SMG6: variants seen among roughly 807,000 people sequenced by gnomAD.
SMG6 encodes SMG6 nonsense mediated mRNA decay factor.
In SMG6, 66 loss-of-function variants were observed where a neutral mutation model predicts 142.2. The ratio of observed to expected loss-of-function variants is 0.46; its 90% CI spans 0.38 to 0.57. SMG6 has a LOEUF of 0.57. Among genes scored for constraint, SMG6 ranks in the 20% least tolerant of loss-of-function variants. The pLI is 0.00. For synonymous variants in SMG6, 779 were observed against 702.4 expected (o/e 1.11, Z -1.72); for missense variants, 1,793 against 1,832.0 (o/e 0.98, Z 0.39).
intron 13 of SMG6, among the ~76,000 whole-genome samples, chr17:2,115,008 TAAAA>T (rs1292968549): frequency 8.4e-6 from 1 of 118,972 alleles, no homozygotes; most frequent in East Asian, 2.3e-4. Flanking sequence ...ATAAAATAAT[TAAAA>T]AAAAAGAAGG....
rs1252208173 is a variant in SMG6 at position 2,103,117 on chromosome 17, C to CA, written c.3358-17217dup. 8.5e-5 allele frequency among the ~76,000 whole-genome samples: 13 copies of CA among 152,330 alleles called. No individual in the cohort carries two copies. In the East Asian group the frequency reaches 1.3e-3, roughly 16 times the overall value. On this transcript the variant is annotated intron_variant, in intron 13 of 18. Transcript: ENST00000263073. Reference sequence around the variant, plus strand: ...GAACCTGGGAGTCCAGACATCTCTTCAACCAACTGATTTCAAATCTTTTGG... The same window carrying CA: ...GAACCTGGGAGTCCAGACATCTCTTCAAACCAACTGATTTCAAATCTTTTGG...
rs1028647774 is a variant in SMG6 at position 2,068,722 on chromosome 17, G to T, written c.3835+56C>A. 2 of 1,573,848 alleles carry T rather than the reference G, an allele frequency of 1.3e-6. No individual in the cohort carries two copies. Among genetic ancestry groups the T allele is most frequent in the South Asian group, 1.2e-5 (1 of 85,728 alleles). ...CTGGCCCCCAGGCCGTGGGGCGTGT[G>T]TGGAGGGGGCTGCTGTGCACATGCA... On this transcript the variant is annotated intron_variant, in intron 16 of 18. Transcript: ENST00000263073. The surrounding 1 kb of genome is among the most constrained non-coding windows in gnomAD (Gnocchi z 6.7).
intron 13 of SMG6, among the ~76,000 whole-genome samples, chr17:2,106,222 C>T (rs2069151361): frequency 6.6e-6 from 1 of 152,160 alleles, no homozygotes; most frequent in African/African-American, 2.4e-5. Flanking sequence ...CACTTTTCTT[C>T]TTGTCTCTTT....
In SMG6 at chr17:2,071,330, C is replaced by T. The variant is rs1387054037; in HGVS notation, c.3682-2399G>A. On this transcript the variant is annotated intron_variant, in intron 15 of 18. Coordinates refer to ENST00000263073, the MANE Select transcript of SMG6 (RefSeq NM_017575.5). This position sits in a 1 kb window ranked among gnomAD's most constrained non-coding sequence, Gnocchi z 5.6. ...GGTACCATCCTACCTCTATTGCTGG[C>T]AATTAGGCAGGAGAGCCTTGAAGCC... 6.6e-6 allele frequency among the ~76,000 whole-genome samples: 1 copy of T among 152,150 alleles called. No homozygotes were observed. The highest frequency in any genetic ancestry group is 1.5e-5 in the Non-Finnish European group (1 of 68,014).
At chr17:2,086,979 GC>G (rs1443549533) in intron 13 of SMG6, 4 of 1,283,500 alleles carry the variant, frequency 3.1e-6, no homozygotes, top group Non-Finnish European at 4.1e-6. Context: ...TCACTGACTA[GC>G]CCCTGCCTCT....
chr17:2,220,039 A>G (rs2073129925), intron 10 of SMG6, among the ~76,000 whole-genome samples: 1 of 151,960 alleles, frequency 6.6e-6, no homozygotes, highest in Non-Finnish European at 1.5e-5. Flanking sequence ...CTCCCGTATA[A>G]TTTTCCCAAG....
chr17:2,236,596 T>C lies in SMG6; in HGVS notation c.2765A>G (p.Glu922Gly). ...GCTGTGCTGCAGTAACACCTGGAAC[T>C]CCTTGAGGACCTTCTCAGCCACTGC... Reference protein sequence around the residue: ...FPAVAEKVLKEFQVLLQHSPS... With the variant: ...FPAVAEKVLKGFQVLLQHSPS... The change falls in exon 10 of 19, where the codon GAG becomes GGG. Residue 922 changes from glutamate to glycine, a missense_variant. Glu to Gly is a moderately conservative substitution (Grantham distance 98, BLOSUM62 -2). Around this residue, in one of 3 missense-constraint regions of SMG6, gnomAD observed 1,597 missense variants for 1,584.6 expected, o/e 1.01. Coordinates refer to ENST00000263073, the MANE Select transcript of SMG6 (RefSeq NM_017575.5). 1 of 1,613,612 alleles carries C rather than the reference T, an allele frequency of 6.2e-7. No homozygotes were observed. The highest frequency in any genetic ancestry group is 2.2e-5 in the East Asian group (1 of 44,864).
At chr17:2,088,026 A>T in intron 13 of SMG6, 1 of 985,644 alleles carries the variant, frequency 1.0e-6, no homozygotes, top group Non-Finnish European at 1.2e-6. Flanking sequence ...AATGGAGAGG[A>T]GAGGGGAGCT....
intron 8 of SMG6, among the ~76,000 whole-genome samples, chr17:2,263,183 T>A (rs2074353000): frequency 1.3e-5 from 2 of 152,196 alleles, no homozygotes; most frequent in Non-Finnish European, 2.9e-5. Context: ...GGTTAAAAAT[T>A]CACAAATTTG....
chr17:2,263,183 T>C (rs2074353000), intron 8 of SMG6, among the ~76,000 whole-genome samples: 2 of 152,196 alleles, frequency 1.3e-5, no homozygotes, highest in Non-Finnish European at 2.9e-5. Flanking sequence ...GGTTAAAAAT[T>C]CACAAATTTG....
intron 13 of SMG6, chr17:2,087,540 TAGA>T: frequency 9.7e-7 from 1 of 1,026,162 alleles, no homozygotes; most frequent in Non-Finnish European, 1.2e-6. Context: ...GAGGTTGATG[TAGA>T]AGGTTCTCGG....
intron 13 of SMG6, among the ~76,000 whole-genome samples, chr17:2,141,887 CT>C (rs2070491844): frequency 6.6e-6 from 1 of 152,186 alleles, no homozygotes; most frequent in African/African-American, 2.4e-5. Flanking sequence ...AAGCTTTTAA[CT>C]CCATGGTTCC....
chr17:2,197,775 G>C (rs1388439669), intron 10 of SMG6, among the ~76,000 whole-genome samples: 1 of 152,078 alleles, frequency 6.6e-6, no homozygotes, highest in Non-Finnish European at 1.5e-5. Context: ...TAAAACTACA[G>C]TGAGATCTCA....
chr17:2,226,301 A>G (rs2073316218), intron 10 of SMG6, among the ~76,000 whole-genome samples: 1 of 151,616 alleles, frequency 6.6e-6, no homozygotes, highest in African/African-American at 2.4e-5. Flanking sequence ...AAGAAAAAAA[A>G]GAGCCGGGCG....
chr17:2,166,885 G>A (rs918027831), intron 13 of SMG6, among the ~76,000 whole-genome samples: 1 of 152,188 alleles, frequency 6.6e-6, no homozygotes, highest in Admixed American at 6.5e-5. Context: ...AGCACTCTGG[G>A]AGGCTGAGGC....
chr17:2,141,212 T>C (rs2070470058), intron 13 of SMG6, among the ~76,000 whole-genome samples: 1 of 152,212 alleles, frequency 6.6e-6, no homozygotes, highest in African/African-American at 2.4e-5. Context: ...ATCATTACAG[T>C]ACTAAACACT....
At chr17:2,187,594 G>A (rs1312435598) in intron 11 of SMG6, among the ~76,000 whole-genome samples, 5 of 152,176 alleles carry the variant, frequency 3.3e-5, no homozygotes, top group African/African-American at 1.2e-4. Context: ...CCTTAAGTAT[G>A]TGTGTATGGA....
At chr17:2,185,220 A>G (rs987125886) in intron 12 of SMG6, among the ~76,000 whole-genome samples, 1 of 152,194 alleles carries the variant, frequency 6.6e-6, no homozygotes, top group Non-Finnish European at 1.5e-5. Context: ...ACACAGACAG[A>G]CATGGACCAG....
intron 8 of SMG6, among the ~76,000 whole-genome samples, chr17:2,248,524 T>A (rs2073972424): frequency 1.3e-5 from 2 of 152,178 alleles, no homozygotes; most frequent in African/African-American, 4.8e-5. Flanking sequence ...CCCACCTAAT[T>A]ACCTGAGTCT....
Sources: allele counts gnomAD v4.1 joint callset (sites outside exome capture counted in the v4.1 genomes callset), GRCh38; gene constraint gnomAD v4.1.1; regional missense constraint gnomAD v4.1.1; non-coding constraint Gnocchi (gnomAD v3.1); transcripts MANE v1.5; gene names NCBI Gene and HGNC (gene_info 2026-07-23, HGNC 2026-07-21).